The following PPFIA2 variants were observed in gnomAD, a reference collection of about 807,000 sequenced individuals.
PPFIA2 encodes the protein liprin-alpha-2.
PPFIA2 carries 46 observed loss-of-function variants against 175.5 expected under a neutral mutation model. The observed-to-expected ratio is 0.26, with a 90% CI of 0.21 to 0.34. PPFIA2 has a LOEUF of 0.34. Among genes scored for constraint, PPFIA2 ranks in the 10% least tolerant of loss-of-function variants. The pLI, the probability that PPFIA2 is intolerant of heterozygous loss-of-function variation, is 1.00. For synonymous variants in PPFIA2, 568 were observed against 511.4 expected (o/e 1.11, Z -1.49); for missense variants, 1,179 against 1,506.1 (o/e 0.78, Z 3.60).
chr12:81,331,590 G>A (rs1396157671), intron 21 of PPFIA2, among the ~76,000 whole-genome samples: 2 of 151,900 alleles, frequency 1.3e-5, no homozygotes, highest in African/African-American at 2.4e-5. Context: ...GCCATTTAGA[G>A]GCAAAAAAAG....
At chr12:81,709,591 T>G (rs533428967) in intron 3 of PPFIA2, among the ~76,000 whole-genome samples, 3 of 152,032 alleles carry the variant, frequency 2.0e-5, no homozygotes, top group Non-Finnish European at 4.4e-5. Context: ...CAAAGTTAAT[T>G]TTTTTGCTAT....
chr12:81,645,095 G>A (rs1267216088), intron 4 of PPFIA2, among the ~76,000 whole-genome samples: 1 of 151,432 alleles, frequency 6.6e-6, no homozygotes, highest in East Asian at 1.9e-4. Context: ...ATTAAACTAA[G>A]TACAGAGGAG....
chr12:81,533,851 T>C (rs571950732), intron 4 of PPFIA2, among the ~76,000 whole-genome samples: 1 of 151,478 alleles, frequency 6.6e-6, no homozygotes, highest in Admixed American at 6.6e-5. Context: ...AGTCACTGTA[T>C]CATCCTAGTA....
chr12:81,334,320 C>G (rs1241218025), intron 21 of PPFIA2, among the ~76,000 whole-genome samples: 1 of 152,128 alleles, frequency 6.6e-6, no homozygotes, highest in East Asian at 1.9e-4. Flanking sequence ...TGTTTACGTA[C>G]TATCTTTGCT....
chr12:81,726,719 C>T (rs184284075), intron 3 of PPFIA2, among the ~76,000 whole-genome samples: 12 of 151,400 alleles, frequency 7.9e-5, no homozygotes, highest in South Asian at 2.1e-4. Flanking sequence ...TATTGCTATT[C>T]GCTCAAAAAA....
At chr12:81,486,851 G>T (rs1017862441) in intron 4 of PPFIA2, among the ~76,000 whole-genome samples, 14 of 151,748 alleles carry the variant, frequency 9.2e-5, no homozygotes, top group African/African-American at 3.4e-4. Context: ...ATTTTTTGAT[G>T]AGGAAATAAA....
rs1289209655 is a variant in PPFIA2 at position 81,598,232 on chromosome 12, C to T, written c.303+78559G>A. 7.4e-6 allele frequency: 10 copies of T among 1,347,180 alleles called. No individual in the cohort carries two copies. The South Asian group carries it at 7.5e-5, about 10-fold the overall frequency. 83.5% of individuals were successfully genotyped at this position (1,347,180 alleles called of 1,614,324 possible). On this transcript the variant is annotated intron_variant, in intron 4 of 32. Transcript: ENST00000549396. Reference sequence around the variant, plus strand: ...TCTTAGCTGAAAGATCATCAGCCACCGACCTTTTGTGAAGCTAGTTCTCTA... The same window carrying T: ...TCTTAGCTGAAAGATCATCAGCCACTGACCTTTTGTGAAGCTAGTTCTCTA...
At chr12:81,698,767 CACA>C (rs1436497828) in intron 3 of PPFIA2, among the ~76,000 whole-genome samples, 2 of 151,038 alleles carry the variant, frequency 1.3e-5, no homozygotes, top group African/African-American at 4.9e-5. Flanking sequence ...CCTTTATACA[CACA>C]CACACACACA....
intron 4 of PPFIA2, among the ~76,000 whole-genome samples, chr12:81,548,645 T>C (rs1207651054): frequency 1.3e-5 from 2 of 152,084 alleles, no homozygotes; most frequent in South Asian, 2.1e-4. Flanking sequence ...AATTGGGATA[T>C]ATTAATGTTA....
chr12:81,482,448 C>T (rs1300711413), intron 4 of PPFIA2, among the ~76,000 whole-genome samples: 4 of 152,122 alleles, frequency 2.6e-5, no homozygotes, highest in Non-Finnish European at 5.9e-5. Context: ...CATATGTTTA[C>T]TGCAGCACTG....
chr12:81,360,121 C>T lies in PPFIA2; in HGVS notation c.1638-1904G>A, dbSNP rs376772074. 2.6e-5 allele frequency among the ~76,000 whole-genome samples: 4 copies of T among 151,896 alleles called. No individual in the cohort carries two copies. The East Asian group carries it at 7.7e-4, about 29-fold the overall frequency. ...CTATTGCCATCTACCCTTCTAGCTCCTAGTATTCTTTTTTATTGTACCAGT... is the reference window on the plus strand; with the variant it reads ...CTATTGCCATCTACCCTTCTAGCTCTTAGTATTCTTTTTTATTGTACCAGT... On this transcript the variant is annotated intron_variant, in intron 15 of 32. Transcript: ENST00000549396.
At chr12:81,409,800 C>A (rs893582803) in intron 7 of PPFIA2, among the ~76,000 whole-genome samples, 7 of 152,056 alleles carry the variant, frequency 4.6e-5, no homozygotes, top group African/African-American at 1.4e-4. Context: ...GAAAAACTCA[C>A]TATGTACAAG....
intron 4 of PPFIA2, among the ~76,000 whole-genome samples, chr12:81,653,678 G>T (rs1360107073): frequency 5.3e-5 from 8 of 151,904 alleles, no homozygotes; most frequent in African/African-American, 1.9e-4. Flanking sequence ...ACCAAATAAG[G>T]TCACATTCTG....
intron 23 of PPFIA2, among the ~76,000 whole-genome samples, chr12:81,296,227 G>A (rs763391419): frequency 6.6e-6 from 1 of 152,116 alleles, no homozygotes; most frequent in Non-Finnish European, 1.5e-5. Context: ...GCTGAGGCAC[G>A]AGAATTGCTT....
At chr12:81,496,985 C>T (rs1459493862) in intron 4 of PPFIA2, among the ~76,000 whole-genome samples, 1 of 152,150 alleles carries the variant, frequency 6.6e-6, no homozygotes, top group Non-Finnish European at 1.5e-5. Context: ...CCTACTGAAG[C>T]TCCATCTACC....
At chr12:81,728,300 C>T (rs2080369545) in intron 3 of PPFIA2, among the ~76,000 whole-genome samples, 1 of 151,314 alleles carries the variant, frequency 6.6e-6, no homozygotes, top group Non-Finnish European at 1.5e-5. Context: ...TTAAAATAGT[C>T]ATGACTTTCA....
chr12:81,324,187 G>C (rs755438469), intron 22 of PPFIA2, among the ~76,000 whole-genome samples: 4 of 151,990 alleles, frequency 2.6e-5, no homozygotes, highest in Non-Finnish European at 5.9e-5. Flanking sequence ...GTACTTAGTA[G>C]TTGAGAAACG....
rs2084258369 is a variant in PPFIA2 at position 81,754,050 on chromosome 12, G to A, written c.172C>T (p.Leu58Phe). The A allele has an allele frequency of 1.2e-6, 2 of 1,613,888 alleles. No homozygotes were observed. ...ACATCCTGAAGTCTTTGCTGGGCAA[G>A]TGAGAGGCTTTCCTGGGTCTCCCGA... The part of the protein sequence containing the change: ...TLRETQESLS[L>F]AQQRLQDVIY... Residue 58 changes from leucine to phenylalanine, a missense_variant, in exon 3 of 33, where the codon CTT (leucine) becomes TTT (phenylalanine). Leu to Phe is a conservative substitution (Grantham distance 22). Transcript: ENST00000549396.
chr12:81,601,225 C>T (rs1226848378), intron 4 of PPFIA2, among the ~76,000 whole-genome samples: 1 of 151,804 alleles, frequency 6.6e-6, no homozygotes, highest in African/African-American at 2.4e-5. Context: ...CTAAATGTTA[C>T]TGAAATTGCC....
Sources: allele counts gnomAD v4.1 joint callset (sites outside exome capture counted in the v4.1 genomes callset), GRCh38; gene constraint gnomAD v4.1.1; transcripts MANE v1.5; gene names NCBI Gene and HGNC (gene_info 2026-07-23, HGNC 2026-07-21).